Variants in MAD1L1 observed in about 807,000 individuals in gnomAD.
MAD1L1 encodes the protein mitotic arrest deficient 1 like 1.
MAD1L1 carries 95 observed loss-of-function variants against 96.9 expected under a neutral mutation model. The ratio of observed to expected loss-of-function variants is 0.98; its 90% CI spans 0.83 to 1.16. The LOEUF is 1.16. Among genes scored for constraint, MAD1L1 ranks in the 50% most tolerant of loss-of-function variants. The pLI, the probability that MAD1L1 is intolerant of heterozygous loss-of-function variation, is 0.00. For missense variants in MAD1L1, 1,007 were observed against 954.4 expected (o/e 1.06, Z -0.73); for synonymous variants, 473 against 396.6 (o/e 1.19, Z -2.29).
chr7:2,037,410 A>G (rs905755322), intron 12 of MAD1L1, among the ~76,000 whole-genome samples: 2 of 152,120 alleles, frequency 1.3e-5, no homozygotes, highest in African/African-American at 2.4e-5. Context: ...TTACAAATGG[A>G]AGGCTTGTGG....
chr7:2,137,954 G>C (rs1788833158), intron 11 of MAD1L1, among the ~76,000 whole-genome samples: 1 of 152,172 alleles, frequency 6.6e-6, no homozygotes, highest in Admixed American at 6.5e-5. Context: ...AACTATGCGA[G>C]GGCCACACGA....
At position 2,056,696 on chromosome 7, in the gene MAD1L1, C is replaced by T. The variant is rs372594644; in HGVS notation, c.1218+12498G>A. 9.8e-5 allele frequency among the ~76,000 whole-genome samples: 15 copies of T among 152,286 alleles called. No individual in the cohort carries two copies. In the East Asian group the frequency reaches 1.7e-3, roughly 18 times the overall value. ...ATCACAGAGGGGTGAAGGACAAGTCCTACTCAACACTAGAACCAGGACAAG... is the reference window on the plus strand; with the variant it reads ...ATCACAGAGGGGTGAAGGACAAGTCTTACTCAACACTAGAACCAGGACAAG... On this transcript the variant is annotated intron_variant, in intron 12 of 18. Transcript: ENST00000265854.
intron 18 of MAD1L1, among the ~76,000 whole-genome samples, chr7:1,868,925 G>C (rs975262144): frequency 2.6e-5 from 4 of 152,188 alleles, no homozygotes; most frequent in Non-Finnish European, 5.9e-5. Context: ...GAGCACGGAA[G>C]CGCCGCCTCA....
chr7:2,161,184 C>T (rs1790099248), intron 10 of MAD1L1, among the ~76,000 whole-genome samples: 1 of 147,056 alleles, frequency 6.8e-6, no homozygotes, highest in African/African-American at 2.5e-5. Context: ...CTGCCGCCAT[C>T]TCGACTCACT....
rs532779090 is a variant in MAD1L1 at position 2,218,490 on chromosome 7, C to A, written c.597-447G>T. Among the ~76,000 whole-genome samples the A allele has an allele frequency of 2.4e-3, 371 of 152,358 alleles. 1 individual carries two copies. The highest frequency in any genetic ancestry group is 3.9e-3 in the Admixed American group (60 of 15,312). The stretch of plus-strand genomic sequence containing the variant: ...AGGGTCCAAGTCTGCAGGAGATGCC[C>A]ACAGTCTCCTGACTGCACCTCCAGA... On this transcript the variant is annotated intron_variant, in intron 6 of 18. Coordinates refer to ENST00000265854, the MANE Select transcript of MAD1L1 (RefSeq NM_001013836.2).
At chr7:1,965,806 T>C (rs370727295) in intron 15 of MAD1L1, among the ~76,000 whole-genome samples, 5 of 152,240 alleles carry the variant, frequency 3.3e-5, no homozygotes, top group African/African-American at 1.2e-4. Context: ...GGGCCGGGCG[T>C]GGGCCCAACC....
rs1049915558 is a variant in MAD1L1, at chr7:2,106,303, C to T, written c.1074-36965G>A. 3.3e-5 allele frequency among the ~76,000 whole-genome samples: 5 copies of T among 152,198 alleles called. No individual in the cohort carries two copies. The South Asian group carries it at 6.2e-4, about 19-fold the overall frequency. On this transcript the variant is annotated intron_variant, in intron 11 of 18. Coordinates refer to ENST00000265854, the MANE Select transcript of MAD1L1 (RefSeq NM_001013836.2). Reference sequence around the variant, plus strand: ...GGATCCACATGTCCATCCCTGGAGACGGCCATGGTCACTCACACTCCCCAC... The same window carrying T: ...GGATCCACATGTCCATCCCTGGAGATGGCCATGGTCACTCACACTCCCCAC...
intron 10 of MAD1L1, among the ~76,000 whole-genome samples, chr7:2,176,615 C>A (rs1447596053): frequency 6.6e-6 from 1 of 152,050 alleles, no homozygotes; most frequent in Non-Finnish European, 1.5e-5. Context: ...AGACTGAATT[C>A]AGCAAAGTCA....
At chr7:2,094,992 G>A (rs1036326917) in intron 11 of MAD1L1, among the ~76,000 whole-genome samples, 13 of 152,130 alleles carry the variant, frequency 8.5e-5, no homozygotes, top group African/African-American at 2.9e-4. Flanking sequence ...TGAGCAAAAT[G>A]AAGTTTTTCA....
At chr7:1,840,231 G>C (rs1213259357) in intron 18 of MAD1L1, among the ~76,000 whole-genome samples, 1 of 152,188 alleles carries the variant, frequency 6.6e-6, no homozygotes, top group Non-Finnish European at 1.5e-5. Flanking sequence ...GTGAGCGTGA[G>C]CAAGTGAGAT....
chr7:1,952,680 C>T (rs2128471943), intron 16 of MAD1L1, among the ~76,000 whole-genome samples: 1 of 152,282 alleles, frequency 6.6e-6, no homozygotes, highest in Middle Eastern at 3.4e-3. Context: ...ATCCTGCCTC[C>T]CAGGAAAAGT....
At chr7:2,023,273 C>A (rs1217320406) in intron 12 of MAD1L1, among the ~76,000 whole-genome samples, 1 of 152,000 alleles carries the variant, frequency 6.6e-6, no homozygotes, top group Non-Finnish European at 1.5e-5. Flanking sequence ...CTAGACAGAC[C>A]ACATTTGGGC....
At chr7:1,835,117 C>CA (rs34734787) in intron 18 of MAD1L1, among the ~76,000 whole-genome samples, 4,307 of 137,364 alleles carry the variant, frequency 0.031, 156 homozygotes, top group African/African-American at 0.091. Context: ...AGGCATTCCT[C>CA]AAAAAAAAAA....
intron 18 of MAD1L1, among the ~76,000 whole-genome samples, chr7:1,884,999 G>GGTC (rs1785923023): frequency 6.6e-6 from 1 of 152,236 alleles, no homozygotes; most frequent in South Asian, 2.1e-4. Flanking sequence ...CACTGTGCAT[G>GGTC]AAGTTACCCG....
chr7:2,047,400 G>A (rs1783973938), intron 12 of MAD1L1, among the ~76,000 whole-genome samples: 1 of 152,096 alleles, frequency 6.6e-6, no homozygotes, highest in South Asian at 2.1e-4. Context: ...GCTCTTTATG[G>A]GTGAAGTTAA....
chr7:1,963,533 C>G (rs1218679803), intron 15 of MAD1L1, among the ~76,000 whole-genome samples: 1 of 152,200 alleles, frequency 6.6e-6, no homozygotes, highest in African/African-American at 2.4e-5. Flanking sequence ...CATGCAAATT[C>G]ACCACACTGC....
rs115618891 is a variant in MAD1L1, at chr7:1,878,745, T to G, written c.1998+19455A>C. ...AGGTAAAAATGTCCCCCCCCCCCCA[T>G]TCTTATTCAGCACTGTACTGAAATT... On this transcript the variant is annotated intron_variant, in intron 18 of 18. Coordinates refer to ENST00000265854, the MANE Select transcript of MAD1L1 (RefSeq NM_001013836.2). Among the ~76,000 whole-genome samples the G allele has an allele frequency of 8.1e-3, 1,116 of 138,424 alleles. 16 individuals are homozygous for G. The highest frequency in any genetic ancestry group is 0.029 in the African/African-American group (1,042 of 36,278). 90.8% of individuals were successfully genotyped at this position (138,424 alleles called of 152,430 possible). A position where few individuals can be genotyped will look rare whatever the true frequency, so the allele number is the denominator to read the frequency against.
intron 10 of MAD1L1, among the ~76,000 whole-genome samples, chr7:2,151,867 C>T (rs1391225912): frequency 1.3e-5 from 2 of 152,216 alleles, no homozygotes; most frequent in African/African-American, 4.8e-5. Context: ...CCAGGAAGGC[C>T]TCTGTCTCAT....
At position 2,002,079 on chromosome 7, in the gene MAD1L1, G is replaced by C. The variant is rs747522870; in HGVS notation, c.1402C>G (p.Gln468Glu). The change falls in exon 14 of 19, where the codon CAA (glutamine) becomes GAA (glutamate). Residue 468 changes from glutamine to glutamate, a missense_variant. Coordinates refer to ENST00000265854, the MANE Select transcript of MAD1L1 (RefSeq NM_001013836.2). The stretch of plus-strand genomic sequence containing the variant: ...GTCTGACTCACCATGTCTGCTCTTT[G>C]TTTCTGGCCTCCCAGCTCCTCCAGG... ...QALEELGGQK[Q>E]RADMLEMELK... 4 of 1,613,350 alleles carry C rather than the reference G, an allele frequency of 2.5e-6. No homozygotes were observed. The South Asian group carries it at 4.4e-5, about 18-fold the overall frequency.
Sources: gnomAD v4.1 joint callset for allele counts (sites outside exome capture counted in the v4.1 genomes callset) on GRCh38, gnomAD v4.1.1 for gene constraint, MANE v1.5 for transcripts, NCBI Gene and HGNC (gene_info 2026-07-23, HGNC 2026-07-21) for gene names.